CAMK1D: variants seen among roughly 807,000 people sequenced by gnomAD.
The protein encoded by CAMK1D is calcium/calmodulin-dependent protein kinase type 1D.
In CAMK1D, 9 loss-of-function variants were observed where a neutral mutation model predicts 47.7. The observed-to-expected ratio is 0.19, with a 90% CI of 0.11 to 0.33. The LOEUF is 0.33. CAMK1D is among the 10% of genes least tolerant of loss of function. The pLI is 1.00. For synonymous variants in CAMK1D, 184 were observed against 184.9 expected, an observed-to-expected ratio of 0.99 and a Z score of 0.04; for missense variants, 291 against 488.7, an observed-to-expected ratio of 0.60 and a Z score of 3.81.
chr10:12,654,810 C>CG (rs1222104584), intron 2 of CAMK1D, among the ~76,000 whole-genome samples: 1 of 152,098 alleles, frequency 6.6e-6, no homozygotes, highest in Non-Finnish European at 1.5e-5. Context: ...TCTGAAGTAT[C>CG]TAAAGTTGAA....
At chr10:12,554,906 C>T (rs1229282877) in intron 2 of CAMK1D, among the ~76,000 whole-genome samples, 1 of 152,120 alleles carries the variant, frequency 6.6e-6, no homozygotes, top group Non-Finnish European at 1.5e-5. Context: ...GTGTGGTGTC[C>T]ACACCGTTCC....
chr10:12,509,840 C>T (rs12247254), intron 1 of CAMK1D, among the ~76,000 whole-genome samples: 1,737 of 152,336 alleles, frequency 0.011, 33 homozygotes, highest in African/African-American at 0.04. Context: ...AGCAATTTCT[C>T]AGTTCACCCA....
intron 2 of CAMK1D, among the ~76,000 whole-genome samples, chr10:12,607,261 T>G (rs1003437533): frequency 1.3e-5 from 2 of 152,216 alleles, no homozygotes; most frequent in African/African-American, 4.8e-5. Context: ...CCTTTCCAAC[T>G]GGGCTTTAAA....
At chr10:12,675,355 C>A (rs140478332) in intron 3 of CAMK1D, among the ~76,000 whole-genome samples, 117 of 152,260 alleles carry the variant, frequency 7.7e-4, no homozygotes, top group Admixed American at 1.6e-3. Flanking sequence ...AGGTAATAAG[C>A]ATCACTCACA....
intron 1 of CAMK1D, among the ~76,000 whole-genome samples, chr10:12,420,756 G>C (rs1433943741): frequency 6.6e-6 from 1 of 152,080 alleles, no homozygotes. Flanking sequence ...GCCTGAGAAT[G>C]ACTCCACTTC....
intron 1 of CAMK1D, among the ~76,000 whole-genome samples, chr10:12,532,530 C>T (rs1161888704): frequency 2.0e-5 from 3 of 152,206 alleles, no homozygotes; most frequent in Non-Finnish European, 2.9e-5. Flanking sequence ...CCGTCCGCCT[C>T]GGCCTCCCAA....
chr10:12,471,274 T>A (rs899890321), intron 1 of CAMK1D, among the ~76,000 whole-genome samples: 1 of 152,200 alleles, frequency 6.6e-6, no homozygotes, highest in African/African-American at 2.4e-5. Flanking sequence ...TCTGGATCAA[T>A]GTGTCTGGGT....
chr10:12,376,162 C>CAAAAAAAAAAAAAAAAAA (rs59804213), intron 1 of CAMK1D, among the ~76,000 whole-genome samples: 3 of 59,984 alleles, frequency 5.0e-5, no homozygotes, highest in African/African-American at 7.7e-5. Flanking sequence ...GACTCTGTCC[C>CAAAAAAAAAAAAAAAAAA]AAAAAAAAAA....
intron 2 of CAMK1D, among the ~76,000 whole-genome samples, chr10:12,651,802 G>A (rs548635564): frequency 4.7e-5 from 7 of 150,528 alleles, no homozygotes; most frequent in Admixed American, 6.6e-5. Flanking sequence ...TTTTTGAGAC[G>A]GAGTCCCGTT....
chr10:12,696,464 C>T (rs1020553339), intron 3 of CAMK1D, among the ~76,000 whole-genome samples: 5 of 152,062 alleles, frequency 3.3e-5, no homozygotes, highest in African/African-American at 4.8e-5. Flanking sequence ...TTGAACCCAG[C>T]GGGCCGAGGT....
intron 6 of CAMK1D, among the ~76,000 whole-genome samples, chr10:12,813,680 C>T (rs1259031099): frequency 2.0e-5 from 3 of 152,298 alleles, no homozygotes; most frequent in Admixed American, 6.5e-5. Flanking sequence ...CCTGTGTCAC[C>T]TATCCTTGCG....
intron 2 of CAMK1D, among the ~76,000 whole-genome samples, chr10:12,631,620 T>C (rs895771546): frequency 5.3e-5 from 8 of 152,084 alleles, no homozygotes; most frequent in Non-Finnish European, 1.0e-4. Flanking sequence ...GGACAGCTAT[T>C]GAGTAGCACC....
chr10:12,611,905 C>G (rs564171874), intron 2 of CAMK1D, among the ~76,000 whole-genome samples: 4 of 152,212 alleles, frequency 2.6e-5, no homozygotes, highest in Non-Finnish European at 2.9e-5. Context: ...GAATGTCATT[C>G]GAGTTTTCTT....
At chr10:12,825,482 T>C in intron 9 of CAMK1D, 91 bp from the exon 10 acceptor site, 1 of 1,271,216 alleles carries the variant, frequency 7.9e-7, no homozygotes. Flanking sequence ...TTTGAAATGC[T>C]TAGGCTAATG....
At chr10:12,743,422 G>A (rs533816801) in intron 3 of CAMK1D, among the ~76,000 whole-genome samples, 3 of 151,920 alleles carry the variant, frequency 2.0e-5, no homozygotes. Context: ...TTCTAAGGTC[G>A]TATAAAAATT....
chr10:12,786,145 A>ATGGG (rs1371282918), intron 5 of CAMK1D, among the ~76,000 whole-genome samples: 2 of 152,214 alleles, frequency 1.3e-5, no homozygotes, highest in African/African-American at 4.8e-5. Flanking sequence ...AATTTAGGGT[A>ATGGG]TGGGTGTGTG....
At chr10:12,683,153 C>G (rs1390767442) in intron 3 of CAMK1D, among the ~76,000 whole-genome samples, 2 of 147,824 alleles carry the variant, frequency 1.4e-5, no homozygotes, top group Non-Finnish European at 3.0e-5. Context: ...GTGGCGTGAT[C>G]TCAGCTCACC....
intron 3 of CAMK1D, among the ~76,000 whole-genome samples, chr10:12,711,288 G>A (rs996083573): frequency 4.1e-4 from 63 of 152,276 alleles, no homozygotes; most frequent in African/African-American, 1.4e-3. Context: ...GGCGCCACCT[G>A]CAGGCTAAGG....
intron 1 of CAMK1D, among the ~76,000 whole-genome samples, chr10:12,355,121 G>T (rs1837470988): frequency 1.3e-5 from 2 of 152,108 alleles, no homozygotes; most frequent in African/African-American, 4.8e-5. Flanking sequence ...GGGATGACAG[G>T]CACGGGCCAC....
Sources: gnomAD v4.1 joint callset for allele counts (sites outside exome capture counted in the v4.1 genomes callset) on GRCh38, gnomAD v4.1.1 for gene constraint, MANE v1.5 for transcripts, NCBI Gene and HGNC (gene_info 2026-07-23, HGNC 2026-07-21) for gene names.